The following SPIDR variants were observed in gnomAD, a reference collection of about 807,000 sequenced individuals.
SPIDR encodes the protein DNA repair-scaffolding protein.
A neutral mutation model predicts 104.6 loss-of-function variants in SPIDR; 93 were observed. The observed-to-expected ratio is 0.89, with a 90% CI of 0.75 to 1.06. The LOEUF (loss-of-function observed/expected upper bound fraction) is 1.06. Ranked by LOEUF, SPIDR falls within the 50% of genes least tolerant of loss-of-function variation. The pLI is 0.00. For synonymous variants in SPIDR, 431 were observed against 416.9 expected, an observed-to-expected ratio of 1.03 and a Z score of -0.41; for missense variants, 1,154 against 1,111.2, an observed-to-expected ratio of 1.04 and a Z score of -0.55.
At chr8:47,342,586 C>T (rs2050999885) in intron 5 of SPIDR, among the ~76,000 whole-genome samples, 1 of 152,110 alleles carries the variant, frequency 6.6e-6, no homozygotes, top group Admixed American at 6.5e-5. Context: ...ATCCACCTGC[C>T]TCGTCCTCCC....
At chr8:47,451,977 T>G (rs566320774) in intron 8 of SPIDR, among the ~76,000 whole-genome samples, 1 of 152,308 alleles carries the variant, frequency 6.6e-6, no homozygotes, top group Admixed American at 6.5e-5. Context: ...TGGTAATTGC[T>G]ACCACTTGAA....
chr8:47,321,962 T>G (rs2046702458), intron 5 of SPIDR, among the ~76,000 whole-genome samples: 1 of 152,160 alleles, frequency 6.6e-6, no homozygotes, highest in African/African-American at 2.4e-5. Flanking sequence ...GATTAAAGAC[T>G]TAAATGTTAG....
At chr8:47,696,422 T>C (rs1474420957) in intron 11 of SPIDR, among the ~76,000 whole-genome samples, 1 of 152,250 alleles carries the variant, frequency 6.6e-6, no homozygotes, top group Non-Finnish European at 1.5e-5. Flanking sequence ...GAGTATTTTT[T>C]TCTCTCTCAA....
At chr8:47,703,264 G>T (rs949535479) in intron 14 of SPIDR, among the ~76,000 whole-genome samples, 1 of 152,108 alleles carries the variant, frequency 6.6e-6, no homozygotes, top group South Asian at 2.1e-4. Flanking sequence ...CATTTATTTT[G>T]AACAAATTCT....
At chr8:47,389,657 C>T (rs140309385) in intron 5 of SPIDR, among the ~76,000 whole-genome samples, 2,126 of 141,930 alleles carry the variant, frequency 0.015, 61 homozygotes, top group African/African-American at 0.056. Context: ...CCACTGCATT[C>T]CAGCCTGGGC....
intron 8 of SPIDR, among the ~76,000 whole-genome samples, chr8:47,553,099 T>C (rs1362710765): frequency 6.6e-6 from 1 of 152,208 alleles, no homozygotes; most frequent in African/African-American, 2.4e-5. Flanking sequence ...CCCCACTCTC[T>C]TCTGGCTTGT....
At position 47,300,621 on chromosome 8, in the gene SPIDR, G is replaced by A. The variant is rs1034888745; in HGVS notation, c.525+6591G>A. ...TTTCCCTCTACACACTGCTTTGAATGTGTCCCAGAGATTCTGGTATGTTGT... is the reference window on the plus strand; with the variant it reads ...TTTCCCTCTACACACTGCTTTGAATATGTCCCAGAGATTCTGGTATGTTGT... On this transcript the variant is annotated intron_variant, in intron 5 of 19. Coordinates refer to ENST00000297423, the MANE Select transcript of SPIDR (RefSeq NM_001080394.4). Among the ~76,000 whole-genome samples, 62 of 152,306 alleles carry A rather than the reference G, an allele frequency of 4.1e-4. 1 individual carries two copies. Among genetic ancestry groups the A allele is most frequent in the Admixed American group, 2.9e-3 (45 of 15,292 alleles).
chr8:47,537,690 G>A (rs1234776665), intron 8 of SPIDR, among the ~76,000 whole-genome samples: 1 of 152,118 alleles, frequency 6.6e-6, no homozygotes, highest in Non-Finnish European at 1.5e-5. Context: ...TGAACCCAAT[G>A]TAAACTATGA....
intron 8 of SPIDR, among the ~76,000 whole-genome samples, chr8:47,514,349 C>T (rs914298035): frequency 6.6e-6 from 1 of 152,152 alleles, no homozygotes; most frequent in Non-Finnish European, 1.5e-5. Flanking sequence ...ATCCCAAATG[C>T]ACTTGTCTAT....
At chr8:47,275,721 G>A (rs1226062940) in intron 1 of SPIDR, among the ~76,000 whole-genome samples, 10 of 152,174 alleles carry the variant, frequency 6.6e-5, no homozygotes, top group East Asian at 1.9e-4. Flanking sequence ...GTTATGTCAC[G>A]TTGGTAGCTG....
rs556851048 is a variant in SPIDR, at chr8:47,560,032, G to A, written c.1098-35779G>A. Among the ~76,000 whole-genome samples, 14 of 152,236 alleles carry A rather than the reference G, an allele frequency of 9.2e-5. No homozygotes were observed. The East Asian group carries it at 2.7e-3, about 29-fold the overall frequency. On this transcript the variant is annotated intron_variant, in intron 8 of 19. Coordinates refer to ENST00000297423, the MANE Select transcript of SPIDR (RefSeq NM_001080394.4). ...TAAAATTTCCTTGCTTATGTTGATA[G>A]GCCACACCTGACAGGTGTGCTTACA...
intron 16 of SPIDR, among the ~76,000 whole-genome samples, chr8:47,724,855 G>A (rs947798217): frequency 3.9e-5 from 6 of 152,144 alleles, no homozygotes; most frequent in African/African-American, 9.7e-5. Context: ...TGGGGTGTGC[G>A]GAAATGTTTC....
chr8:47,591,200 GT>G (rs201529175), intron 8 of SPIDR, among the ~76,000 whole-genome samples: 20,227 of 142,582 alleles, frequency 0.14, 1,908 homozygotes, highest in African/African-American at 0.25. Flanking sequence ...TTGTTCTCTG[GT>G]TTTTTTTTTT....
chr8:47,331,886 T>C (rs2048725995), intron 5 of SPIDR, among the ~76,000 whole-genome samples: 1 of 150,656 alleles, frequency 6.6e-6, no homozygotes, highest in African/African-American at 2.4e-5. Context: ...GAGTCTCTGT[T>C]GTCCAGGCTG....
intron 9 of SPIDR, among the ~76,000 whole-genome samples, chr8:47,596,245 C>G (rs573842010): frequency 6.6e-6 from 1 of 152,254 alleles, no homozygotes; most frequent in East Asian, 1.9e-4. Context: ...AATCTTTATT[C>G]TAATTTATTA....
chr8:47,554,260 C>G (rs1395058870), intron 8 of SPIDR, among the ~76,000 whole-genome samples: 1 of 152,164 alleles, frequency 6.6e-6, no homozygotes, highest in Non-Finnish European at 1.5e-5. Context: ...CTGGGAGAAC[C>G]ACTACTCTCT....
intron 10 of SPIDR, among the ~76,000 whole-genome samples, chr8:47,643,515 G>GTGT (rs33933986): frequency 0.017 from 2,599 of 149,006 alleles, 31 homozygotes; most frequent in Middle Eastern, 0.024. Flanking sequence ...CACCTGGCTA[G>GTGT]TGTTGTTGTT....
In SPIDR at chr8:47,595,795, T is replaced by G. The variant is rs1442581364; in HGVS notation, c.1098-16T>G. 6.2e-7 allele frequency: 1 copy of G among 1,612,106 alleles called. No homozygotes were observed. Among genetic ancestry groups the G allele is most frequent in the South Asian group, 1.1e-5 (1 of 90,898 alleles). On this transcript the variant is annotated splice_polypyrimidine_tract_variant and intron_variant, in intron 8 of 19. Coordinates refer to ENST00000297423, the MANE Select transcript of SPIDR (RefSeq NM_001080394.4). ...AATATTGCAAAGAAACTGTTGCATG[T>G]CTTTCTCTTTTCCAGGCAAAAACTG...
At chr8:47,553,383 A>G (rs572540094) in intron 8 of SPIDR, among the ~76,000 whole-genome samples, 40 of 152,330 alleles carry the variant, frequency 2.6e-4, no homozygotes, top group African/African-American at 8.2e-4. Context: ...AGGTACACCA[A>G]TCAGACATAG....
Sources: gnomAD v4.1 joint callset for allele counts (sites outside exome capture counted in the v4.1 genomes callset) on GRCh38, gnomAD v4.1.1 for gene constraint, MANE v1.5 for transcripts, NCBI Gene and HGNC (gene_info 2026-07-23, HGNC 2026-07-21) for gene names.